The following MAN2C1 variants were observed in gnomAD, a reference collection of about 807,000 sequenced individuals.
The protein encoded by MAN2C1 is alpha-mannosidase 2C1.
Under a neutral mutation model 126.9 loss-of-function variants are expected in MAN2C1, and 111 were observed. That is an observed-to-expected ratio of 0.87 (90% confidence interval 0.75 to 1.02). MAN2C1 has a LOEUF of 1.02. Among genes scored for constraint, MAN2C1 ranks in the 50% least tolerant of loss-of-function variants. The pLI is 0.00. For missense variants in MAN2C1, 1,363 were observed against 1,364.4 expected (o/e 1.00, Z 0.02); for synonymous variants, 567 against 561.5 (o/e 1.01, Z -0.14).
Position 75,360,225 on chromosome 15 carries a change from G to T in MAN2C1, c.1585-14C>A, listed in dbSNP as rs1281762287. The T allele has an allele frequency of 6.2e-7, 1 of 1,605,678 alleles. No homozygotes were observed. Among genetic ancestry groups the T allele is most frequent in the African/African-American group, 1.3e-5 (1 of 75,030 alleles). On this transcript the variant is annotated splice_polypyrimidine_tract_variant and intron_variant, in intron 13 of 25. Transcript: ENST00000267978. ...CCCCTTCTTGATCTGAGCCCAGGAT[G>T]GGAAGATTAGTCTGGAGCCTGCTTA...
In MAN2C1 at chr15:75,356,596, C is replaced by T. The variant is rs1170721481; in HGVS notation, c.2737+10G>A. On this transcript the variant is annotated intron_variant, in intron 23 of 25. Transcript: ENST00000267978. The surrounding 1 kb of genome is among the most constrained non-coding windows in gnomAD (Gnocchi z 5.8). Reference sequence around the variant, plus strand: ...GGCTGCAGGAAGGCCCCACCGTCCCCAGCACTCACCCTTGTGCGGCATCAG... The same window carrying T: ...GGCTGCAGGAAGGCCCCACCGTCCCTAGCACTCACCCTTGTGCGGCATCAG... 3.9e-6 allele frequency: 6 copies of T among 1,556,226 alleles called. No individual in the cohort carries two copies. The highest frequency in any genetic ancestry group is 5.2e-6 in the Non-Finnish European group (6 of 1,150,368).
chr15:75,368,406 G>T, intron 1 of MAN2C1, 77 bp downstream of exon 1: 1 of 1,479,890 alleles, frequency 6.8e-7, no homozygotes, highest in East Asian at 2.5e-5. Context: ...GGTGGCTGCA[G>T]CTTAGGTTTC....
In MAN2C1 at chr15:75,356,828, G is replaced by T. The variant is rs142107948; in HGVS notation, c.2622C>A (p.Gly874=). The stretch of plus-strand genomic sequence containing the variant: ...TGAGGATGCTGCCTCGCACTGACGC[G>T]CCATACTTGCAGTCGTTGAGCAGGG... ...GLALLNDCKY[G]ASVRGSILSL... Residue 874 remains glycine, a synonymous_variant, in exon 22 of 26, where the codon GGC becomes GGA. Transcript: ENST00000267978. The surrounding 1 kb of genome is among the most constrained non-coding windows in gnomAD (Gnocchi z 5.8). 10 of 1,613,962 alleles carry T rather than the reference G, an allele frequency of 6.2e-6. No individual in the cohort carries two copies. Among genetic ancestry groups the T allele is most frequent in the Non-Finnish European group, 8.5e-6 (10 of 1,180,046 alleles).
In MAN2C1 at chr15:75,361,974, C is replaced by A; in HGVS notation, c.1009-27G>T. The A allele has an allele frequency of 6.4e-7, 1 of 1,565,504 alleles. No individual in the cohort carries two copies. The highest frequency in any genetic ancestry group is 8.8e-7 in the Non-Finnish European group (1 of 1,136,410). On this transcript the variant is annotated intron_variant, in intron 8 of 25. Transcript: ENST00000267978. This position sits in a 1 kb window ranked among gnomAD's most constrained non-coding sequence, Gnocchi z 5.0. Reference sequence around the variant, plus strand: ...TGGCAGTGAAGGAAGTGGGAGGCAGCCCAGGTCAGCGCTGGACGGGGAGCA... The same window carrying A: ...TGGCAGTGAAGGAAGTGGGAGGCAGACCAGGTCAGCGCTGGACGGGGAGCA...
chr15:75,356,785 C>T lies in MAN2C1; in HGVS notation c.2657+8G>A. ...CCAGCTCCCAGGCCTGGTGGGTACCCCACTTACAGCGAGAGGCTGAGGATG... is the reference window on the plus strand; with the variant it reads ...CCAGCTCCCAGGCCTGGTGGGTACCTCACTTACAGCGAGAGGCTGAGGATG... On this transcript the variant is annotated splice_region_variant and intron_variant, in intron 22 of 25. Coordinates refer to ENST00000267978, the MANE Select transcript of MAN2C1 (RefSeq NM_006715.4). This position sits in a 1 kb window ranked among gnomAD's most constrained non-coding sequence, Gnocchi z 5.8. 6.2e-7 allele frequency: 1 copy of T among 1,613,960 alleles called. No individual in the cohort carries two copies. The highest frequency in any genetic ancestry group is 8.5e-7 in the Non-Finnish European group (1 of 1,179,978).
chr15:75,357,068 TCA>T (rs2141324502), intron 21 of MAN2C1, 166 bp from the exon 22 acceptor site: 2 of 603,526 alleles, frequency 3.3e-6, no homozygotes, highest in Admixed American at 2.9e-5. Flanking sequence ...TGCCTAAGCC[TCA>T]GTTTCCTTAT....
chr15:75,367,816 G>A, intron 2 of MAN2C1, 182 bp from the exon 3 acceptor site: 1 of 903,370 alleles, frequency 1.1e-6, no homozygotes, highest in Non-Finnish European at 1.6e-6. Context: ...ACAGGCAGAG[G>A]CGTCAAAGGT....
chr15:75,357,910 C>G, intron 21 of MAN2C1: 1 of 354,464 alleles, frequency 2.8e-6, no homozygotes, highest in Non-Finnish European at 5.5e-6. Flanking sequence ...TGAGTCACCA[C>G]GCCCGGCCCA....
At chr15:75,363,721 G>A (rs2072521295) in intron 6 of MAN2C1, 1 of 407,472 alleles carries the variant, frequency 2.5e-6, no homozygotes. Context: ...CAAGAGAATC[G>A]CCTGAACCCG....
At position 75,358,274 on chromosome 15, in the gene MAN2C1, G is replaced by A. The variant is rs2072380350; in HGVS notation, c.2474C>T (p.Thr825Ile). 1 of 1,614,194 alleles carries A rather than the reference G, an allele frequency of 6.2e-7. No homozygotes were observed. Among genetic ancestry groups the A allele is most frequent in the Non-Finnish European group, 8.5e-7 (1 of 1,180,040 alleles). The change falls in exon 21 of 26, where the codon ACC becomes ATC. Residue 825 changes from threonine (T) to isoleucine (I), a missense_variant. Coordinates refer to ENST00000267978, the MANE Select transcript of MAN2C1 (RefSeq NM_006715.4). ...CAGGTGCCCAAACTGGATCTCATAG[G>A]TGGCCTGGGAACTCCGCACGCGAGC... is the stretch of plus-strand genomic sequence containing the variant. Reference protein sequence around the residue: ...FPARVRSSQATYEIQFGHLQR... With the variant: ...FPARVRSSQAIYEIQFGHLQR...
At position 75,356,599 on chromosome 15, in the gene MAN2C1, C is replaced by A. The variant is rs1407798805; in HGVS notation, c.2737+7G>T. 1.3e-6 allele frequency: 2 copies of A among 1,557,142 alleles called. No homozygotes were observed. The highest frequency in any genetic ancestry group is 3.9e-5 in the Admixed American group (2 of 51,362). ...TGCAGGAAGGCCCCACCGTCCCCAG[C>A]ACTCACCCTTGTGCGGCATCAGTGC... On this transcript the variant is annotated splice_region_variant and intron_variant, in intron 23 of 25. Transcript: ENST00000267978. This position sits in a 1 kb window ranked among gnomAD's most constrained non-coding sequence, Gnocchi z 5.8.
At chr15:75,364,763 C>G (rs1479741154) in intron 4 of MAN2C1, 98 bp from the exon 5 acceptor site, 1 of 1,088,978 alleles carries the variant, frequency 9.2e-7, no homozygotes, top group African/African-American at 1.6e-5. Context: ...TGAGCCCAAC[C>G]TGTCTGCTTC....
chr15:75,360,380 A>G (rs1595876504), intron 13 of MAN2C1, 169 bp from the exon 14 acceptor site: 1 of 1,294,646 alleles, frequency 7.7e-7, no homozygotes, highest in East Asian at 2.4e-5. Flanking sequence ...CGCAGCCCAA[A>G]CCCTTCTTTC....
Position 75,361,581 on chromosome 15 carries a change from T to C in MAN2C1, c.1218+23A>G, listed in dbSNP as rs1400101389. 1.9e-6 allele frequency: 3 copies of C among 1,586,436 alleles called. No individual in the cohort carries two copies. In the South Asian group the frequency reaches 3.3e-5, roughly 18 times the overall value. On this transcript the variant is annotated intron_variant, in intron 10 of 25. Coordinates refer to ENST00000267978, the MANE Select transcript of MAN2C1 (RefSeq NM_006715.4). The surrounding 1 kb of genome is among the most constrained non-coding windows in gnomAD (Gnocchi z 5.0). ...GCGGGACTGAGGCCCACTCTGACCC[T>C]GACCCCCCGGGGGCCTGCTTACTGG...
rs751798796 is a variant in MAN2C1 at position 75,362,304 on chromosome 15, T to A, written c.1008+39A>T. On this transcript the variant is annotated intron_variant, in intron 8 of 25. Coordinates refer to ENST00000267978, the MANE Select transcript of MAN2C1 (RefSeq NM_006715.4). The surrounding 1 kb of genome is among the most constrained non-coding windows in gnomAD (Gnocchi z 4.5). ...GGGGCTACCTGAGGGAAGGCTGTTG[T>A]CATACAGTTCAAGGCTGAGGAGTGC... The A allele has an allele frequency of 5.7e-6, 9 of 1,572,042 alleles. No individual in the cohort carries two copies. The highest frequency in any genetic ancestry group is 2.7e-5 in the African/African-American group (2 of 74,046).
At chr15:75,360,054 C>G (rs199553776) in intron 14 of MAN2C1, 36 bp downstream of exon 14, 2 of 1,613,950 alleles carry the variant, frequency 1.2e-6, no homozygotes, top group East Asian at 4.5e-5. Flanking sequence ...CTGCAGTGAG[C>G]AGTCAGGTGG....
rs762624325 is a variant in MAN2C1 at position 75,364,519 on chromosome 15, A to C, written c.569T>G (p.Val190Gly). The change falls in exon 5 of 26, where the codon GTG becomes GGG. Residue 190 changes from valine to glycine, a missense_variant. Physicochemically the swap from Val to Gly is moderately radical, Grantham distance 109. This residue lies in a region of MAN2C1 where 628 missense variants were observed against 609.8 expected (regional missense o/e 1.03). Coordinates refer to ENST00000267978, the MANE Select transcript of MAN2C1 (RefSeq NM_006715.4). The part of the protein sequence containing the change: ...VFHRDVHMLL[V>G]DLELLLGIAK... ...TATGCCCAGCAGCAGCTCCAGATCC[A>C]CCAGGAGCATGTGGACATCCCGGTG... 6 of 1,602,682 alleles carry C rather than the reference A, an allele frequency of 3.7e-6. No homozygotes were observed. Among genetic ancestry groups the C allele is most frequent in the Non-Finnish European group, 5.1e-6 (6 of 1,174,536 alleles).
rs752413320 is a variant in MAN2C1 at position 75,360,559 on chromosome 15, CCT to C, written c.1584+4_1584+5del. On this transcript the variant is annotated splice_donor_5th_base_variant and intron_variant, in intron 13 of 25. Transcript: ENST00000267978. ...TCCCTGCACAGCCCTGCAACCTCCCCCTGACCTGGGCATGGGTGGTGTATGTG... is the reference window on the plus strand; with the variant it reads ...TCCCTGCACAGCCCTGCAACCTCCCCGACCTGGGCATGGGTGGTGTATGTG... 3.3e-5 allele frequency: 54 copies of C among 1,613,484 alleles called. No individual in the cohort carries two copies. In the African/African-American group the frequency reaches 3.7e-4, roughly 11 times the overall value.
rs747175397 is a variant in MAN2C1 at position 75,359,039 on chromosome 15, G to A, written c.2141+20C>T. On this transcript the variant is annotated intron_variant, in intron 18 of 25. Transcript: ENST00000267978. ...GGTCTACTTGCCAGGCACTGGGAAA[G>A]GGCAATGAGGATTTGGCACCTGCCA... 2.0e-5 allele frequency: 33 copies of A among 1,612,974 alleles called. No individual in the cohort carries two copies. In the East Asian group the frequency reaches 6.9e-4, roughly 34 times the overall value.
Sources: gnomAD v4.1 joint callset for allele counts on GRCh38, gnomAD v4.1.1 for gene constraint, gnomAD v4.1.1 regional missense constraint, Gnocchi (gnomAD v3.1) non-coding constraint, MANE v1.5 for transcripts, NCBI Gene and HGNC (gene_info 2026-07-23, HGNC 2026-07-21) for gene names.